Variants in FHIT observed in about 807,000 individuals in gnomAD.
FHIT encodes bis(5'-adenosyl)-triphosphatase.
FHIT carries 19 observed loss-of-function variants against 17.9 expected under a neutral mutation model. The ratio of observed to expected loss-of-function variants is 1.06; its 90% CI spans 0.74 to 1.56. The LOEUF (loss-of-function observed/expected upper bound fraction) is 1.56. Among genes scored for constraint, FHIT ranks in the 40% most tolerant of loss-of-function variants. The pLI, the probability that FHIT is intolerant of heterozygous loss-of-function variation, is 0.00. For synonymous variants in FHIT, 81 were observed against 69.7 expected, an observed-to-expected ratio of 1.16 and a Z score of -0.81; for missense variants, 248 against 189.2, an observed-to-expected ratio of 1.31 and a Z score of -1.82.
intron 4 of FHIT, among the ~76,000 whole-genome samples, chr3:60,584,699 A>T (rs17063575): frequency 6.6e-6 from 1 of 152,040 alleles, no homozygotes; most frequent in Admixed American, 6.6e-5. Flanking sequence ...AAGAAGTTAC[A>T]AAGTCCTGCA....
intron 7 of FHIT, among the ~76,000 whole-genome samples, chr3:59,954,021 G>A (rs1402830766): frequency 6.6e-6 from 1 of 152,186 alleles, no homozygotes; most frequent in Non-Finnish European, 1.5e-5. Context: ...TTGTATTCCA[G>A]TGTTAATGCT....
chr3:60,842,645 A>ATTT (rs1170383044), intron 3 of FHIT, among the ~76,000 whole-genome samples: 27 of 94,584 alleles, frequency 2.9e-4, no homozygotes, highest in African/African-American at 9.5e-4. Flanking sequence ...ATATATATAT[A>ATTT]TTTTTTTTTT....
At chr3:59,780,636 A>T (rs368252988) in intron 8 of FHIT, among the ~76,000 whole-genome samples, 7 of 152,268 alleles carry the variant, frequency 4.6e-5, no homozygotes, top group African/African-American at 1.7e-4. Context: ...GAGGTCATGA[A>T]GGTGGAGCCC....
intron 1 of FHIT, among the ~76,000 whole-genome samples, chr3:61,245,142 G>A (rs566828242): frequency 6.6e-6 from 1 of 152,260 alleles, no homozygotes; most frequent in African/African-American, 2.4e-5. Flanking sequence ...AAACAGAGCA[G>A]GATGCATCAA....
intron 1 of FHIT, among the ~76,000 whole-genome samples, chr3:61,246,872 A>G (rs73098998): frequency 6.6e-6 from 1 of 152,010 alleles, no homozygotes; most frequent in Non-Finnish European, 1.5e-5. Context: ...TTTTAAAAAA[A>G]TTTAAAAAAA....
At chr3:60,365,822 T>A (rs568574560) in intron 5 of FHIT, among the ~76,000 whole-genome samples, 1 of 152,208 alleles carries the variant, frequency 6.6e-6, no homozygotes, top group Admixed American at 6.5e-5. Context: ...TAGCTCTCAA[T>A]TGATTTCATT....
chr3:59,984,109 G>A (rs1459456192), intron 7 of FHIT, among the ~76,000 whole-genome samples: 3 of 152,142 alleles, frequency 2.0e-5, no homozygotes, highest in Non-Finnish European at 4.4e-5. Context: ...CTCAGTCACT[G>A]AGAATTGGGC....
chr3:61,120,663 T>C (rs777954892), intron 2 of FHIT, among the ~76,000 whole-genome samples: 2 of 151,900 alleles, frequency 1.3e-5, no homozygotes, highest in African/African-American at 2.4e-5. Flanking sequence ...GGCTAAAAAA[T>C]CCAAAAACCA....
At chr3:60,778,562 G>C (rs782803213) in intron 4 of FHIT, among the ~76,000 whole-genome samples, 3 of 152,178 alleles carry the variant, frequency 2.0e-5, no homozygotes, top group Non-Finnish European at 2.9e-5. Context: ...CAGAGTCAAG[G>C]AAACTTATTT....
At chr3:59,771,760 C>G (rs1575468208) in intron 8 of FHIT, among the ~76,000 whole-genome samples, 2 of 152,114 alleles carry the variant, frequency 1.3e-5, no homozygotes, top group African/African-American at 4.8e-5. Context: ...GACTTCTCGT[C>G]ATAAAAAAAT....
intron 5 of FHIT, among the ~76,000 whole-genome samples, chr3:60,452,593 T>A (rs1243944279): frequency 6.6e-6 from 1 of 152,190 alleles, no homozygotes; most frequent in Non-Finnish European, 1.5e-5. Flanking sequence ...AATCTTTGAA[T>A]GTCAATGGAT....
At chr3:61,218,326 T>C (rs966703172) in intron 1 of FHIT, among the ~76,000 whole-genome samples, 6 of 151,872 alleles carry the variant, frequency 4.0e-5, no homozygotes, top group Non-Finnish European at 8.8e-5. Flanking sequence ...TCAAGCAATA[T>C]AAATACTAAA....
At chr3:60,440,227 G>A (rs919070463) in intron 5 of FHIT, among the ~76,000 whole-genome samples, 1 of 152,052 alleles carries the variant, frequency 6.6e-6, no homozygotes, top group African/African-American at 2.4e-5. Flanking sequence ...TTTCAAACAA[G>A]TAACTGGTAT....
chr3:59,967,481 G>A (rs9865672), intron 7 of FHIT, among the ~76,000 whole-genome samples: 60,715 of 151,982 alleles, frequency 0.4, 12,658 homozygotes, highest in African/African-American at 0.53. Context: ...TTGCAAGGCA[G>A]TAGGAAATTT....
chr3:61,130,846 T>G (rs566396133), intron 2 of FHIT, among the ~76,000 whole-genome samples: 7 of 152,328 alleles, frequency 4.6e-5, no homozygotes, highest in Non-Finnish European at 1.0e-4. Context: ...ATTCTGTCTT[T>G]GAGAAGCTGG....
intron 4 of FHIT, among the ~76,000 whole-genome samples, chr3:60,627,193 CAT>C (rs2039312617): frequency 6.6e-6 from 1 of 152,016 alleles, no homozygotes; most frequent in South Asian, 2.1e-4. Flanking sequence ...CTATTGGCCT[CAT>C]AGAATGTAGT....
chr3:59,784,119 G>A (rs1458733917), intron 8 of FHIT, among the ~76,000 whole-genome samples: 1 of 152,146 alleles, frequency 6.6e-6, no homozygotes, highest in Non-Finnish European at 1.5e-5. Flanking sequence ...TCTTTCTAGG[G>A]TAAAGGTCTG....
chr3:60,061,186 C>T (rs1702279992), intron 5 of FHIT, among the ~76,000 whole-genome samples: 3 of 152,136 alleles, frequency 2.0e-5, no homozygotes, highest in South Asian at 4.1e-4. Flanking sequence ...TCCTACCTTT[C>T]ATCTAATAAA....
chr3:60,678,126 G>A (rs1280293576), intron 4 of FHIT, among the ~76,000 whole-genome samples: 2 of 151,782 alleles, frequency 1.3e-5, no homozygotes, highest in African/African-American at 4.8e-5. Context: ...CTTATCCTTG[G>A]TATTGTTATC....
Sources: allele counts gnomAD v4.1 joint callset (sites outside exome capture counted in the v4.1 genomes callset), GRCh38; gene constraint gnomAD v4.1.1; transcripts MANE v1.5; gene names NCBI Gene and HGNC (gene_info 2026-07-23, HGNC 2026-07-21).